MORF4L1: variants seen among roughly 807,000 people sequenced by gnomAD.
MORF4L1 encodes the protein mortality factor 4-like protein 1.
In MORF4L1, 4 loss-of-function variants were observed where a neutral mutation model predicts 52.9. The ratio of observed to expected loss-of-function variants is 0.08; its 90% CI spans 0.04 to 0.17. The LOEUF is 0.17. Among genes scored for constraint, MORF4L1 ranks in the 10% least tolerant of loss-of-function variants. The pLI is 1.00. For synonymous variants in MORF4L1, 123 were observed against 134.8 expected (o/e 0.91, Z 0.61); for missense variants, 214 against 390.4 (o/e 0.55, Z 3.81).
rs1461640131 is a variant in MORF4L1, at chr15:78,891,983, C to T, written c.439-229C>T. Among the ~76,000 whole-genome samples the T allele has an allele frequency of 2.0e-5, 3 of 152,150 alleles. No individual in the cohort carries two copies. In the East Asian group the frequency reaches 5.8e-4, roughly 29 times the overall value. ...GAGGAACCTTACTGAAGAATTTTTA[C>T]CTTTACAAGAAAATGCACTAAATAG... On this transcript the variant is annotated intron_variant, in intron 7 of 11. Transcript: ENST00000426013.
At position 78,897,241 on chromosome 15, in the gene MORF4L1, CTTTCT is replaced by C; in HGVS notation, c.*178_*182del. On this transcript the variant is annotated 3_prime_UTR_variant, in exon 12 of 12. Transcript: ENST00000426013. Reference sequence around the variant, plus strand: ...AGGGGGTAATAGCTCCTTTTTTCTTCTTTCTTTTTTTTTTTCATTTCAAAATTGCT... The same window carrying C: ...AGGGGGTAATAGCTCCTTTTTTCTTCTTTTTTTTTTCATTTCAAAATTGCT... 1 of 453,794 alleles carries C rather than the reference CTTTCT, an allele frequency of 2.2e-6. No homozygotes were observed. The highest frequency in any genetic ancestry group is 3.1e-5 in the South Asian group (1 of 31,838). The allele number at this position is 453,794 out of a possible 1,614,324, so 28.1% of individuals were successfully genotyped here.
chr15:78,895,593 G>T (rs2056873791), intron 11 of MORF4L1, among the ~76,000 whole-genome samples: 1 of 152,236 alleles, frequency 6.6e-6, no homozygotes, highest in Non-Finnish European at 1.5e-5. Flanking sequence ...TACTGATAAA[G>T]ATGTCCATGT....
chr15:78,880,289 A>G (rs960758142), intron 2 of MORF4L1, among the ~76,000 whole-genome samples: 1 of 152,222 alleles, frequency 6.6e-6, no homozygotes, highest in African/African-American at 2.4e-5. Context: ...TCCATTGATT[A>G]AAGATTTAAG....
chr15:78,876,833 AT>A (rs1374029374), intron 1 of MORF4L1, among the ~76,000 whole-genome samples: 1 of 152,240 alleles, frequency 6.6e-6, no homozygotes, highest in Non-Finnish European at 1.5e-5. Context: ...TAAAAGAATT[AT>A]AGAACTGATT....
At chr15:78,890,252 TAA>T (rs1417934938) in intron 5 of MORF4L1, among the ~76,000 whole-genome samples, 1 of 135,770 alleles carries the variant, frequency 7.4e-6, no homozygotes, top group Non-Finnish European at 1.5e-5. Context: ...TGACAGTATA[TAA>T]GTGACGTGAG....
At chr15:78,874,583 C>CTTTTTTT (rs56665378) in intron 1 of MORF4L1, among the ~76,000 whole-genome samples, 378 of 112,058 alleles carry the variant, frequency 3.4e-3, no homozygotes, top group Non-Finnish European at 3.9e-3. Context: ...CTTTTTCTTT[C>CTTTTTTT]TTTTTTTTTT....
chr15:78,879,757 G>C (rs1202676968), intron 2 of MORF4L1, among the ~76,000 whole-genome samples: 1 of 147,916 alleles, frequency 6.8e-6, no homozygotes, highest in Non-Finnish European at 1.5e-5. Context: ...GGGCAAGATA[G>C]CAAGACTGTC....
intron 2 of MORF4L1, among the ~76,000 whole-genome samples, chr15:78,879,225 G>T (rs1004222675): frequency 6.7e-6 from 1 of 149,984 alleles, no homozygotes; most frequent in African/African-American, 2.5e-5. Context: ...TATGCTCCCC[G>T]CCCCGCCCCG....
At chr15:78,874,939 C>T (rs77957002) in intron 1 of MORF4L1, among the ~76,000 whole-genome samples, 3,610 of 151,662 alleles carry the variant, frequency 0.024, 165 homozygotes, top group African/African-American at 0.083. Flanking sequence ...CCCCTAAACC[C>T]CGAAAAAAAC....
chr15:78,883,188 C>T (rs1304694056), intron 3 of MORF4L1, among the ~76,000 whole-genome samples: 4 of 147,014 alleles, frequency 2.7e-5, no homozygotes, highest in African/African-American at 1.0e-4. Flanking sequence ...GTATTCTAGC[C>T]TAGGCGACAG....
intron 5 of MORF4L1, among the ~76,000 whole-genome samples, chr15:78,887,780 A>G (rs1017149999): frequency 6.6e-6 from 1 of 151,976 alleles, no homozygotes; most frequent in African/African-American, 2.4e-5. Context: ...CCCTAAGAAA[A>G]CCATTGCTTT....
At chr15:78,874,758 C>G (rs1017882771) in intron 1 of MORF4L1, among the ~76,000 whole-genome samples, 1 of 150,982 alleles carries the variant, frequency 6.6e-6, no homozygotes, top group Admixed American at 6.6e-5. Context: ...CCTCTCTCAC[C>G]TTGAGAAGCT....
At chr15:78,883,832 G>A (rs187393620) in intron 3 of MORF4L1, among the ~76,000 whole-genome samples, 3 of 152,246 alleles carry the variant, frequency 2.0e-5, no homozygotes, top group Admixed American at 2.0e-4. Context: ...GATACCTAGT[G>A]TGTTGTGTAT....
At chr15:78,893,422 T>C in intron 8 of MORF4L1, 117 bp from the exon 9 acceptor site, 1 of 697,318 alleles carries the variant, frequency 1.4e-6, no homozygotes. Flanking sequence ...CTGAATAGTA[T>C]CTTTCCTAAT....
chr15:78,881,513 GTA>G (rs1596242513), intron 3 of MORF4L1, among the ~76,000 whole-genome samples: 1 of 133,184 alleles, frequency 7.5e-6, no homozygotes, highest in African/African-American at 2.8e-5. Flanking sequence ...GTGTGTGTGT[GTA>G]TGTAAAGTAC....
Position 78,897,278 on chromosome 15 carries a change from G to A in MORF4L1, c.*211G>A. 1 of 436,060 alleles carries A rather than the reference G, an allele frequency of 2.3e-6. No homozygotes were observed. The highest frequency in any genetic ancestry group is 4.4e-6 in the Non-Finnish European group (1 of 229,804). The allele number at this position is 436,060 out of a possible 1,614,324, so 27.0% of individuals were successfully genotyped here. A position where few individuals can be genotyped will look rare whatever the true frequency, so the allele number is the denominator to read the frequency against. On this transcript the variant is annotated 3_prime_UTR_variant, in exon 12 of 12. Coordinates refer to ENST00000426013, the MANE Select transcript of MORF4L1 (RefSeq NM_006791.4). Reference sequence around the variant, plus strand: ...TTTTCATTTCAAAATTGCTGCCAGTGTTTTCAATGATGGACAACAGAGGGA... The same window carrying A: ...TTTTCATTTCAAAATTGCTGCCAGTATTTTCAATGATGGACAACAGAGGGA...
At position 78,890,798 on chromosome 15, in the gene MORF4L1, A is replaced by G. The variant is rs562164369; in HGVS notation, c.324-191A>G. ...CGCCTGGCTTGGTTTATTTTTTTCT[A>G]TTATGTGGAGAGAGATGGGAATTTA... is the stretch of plus-strand genomic sequence containing the variant. On this transcript the variant is annotated intron_variant, in intron 5 of 11. Coordinates refer to ENST00000426013, the MANE Select transcript of MORF4L1 (RefSeq NM_006791.4). 3.1e-5 allele frequency: 14 copies of G among 451,090 alleles called. No homozygotes were observed. The South Asian group carries it at 3.2e-4, about 10-fold the overall frequency. The allele number at this position is 451,090 out of a possible 1,614,324, so 27.9% of individuals were successfully genotyped here. A position where few individuals can be genotyped will look rare whatever the true frequency, so the allele number is the denominator to read the frequency against.
chr15:78,879,349 G>A (rs1021071996), intron 2 of MORF4L1, among the ~76,000 whole-genome samples: 4 of 152,036 alleles, frequency 2.6e-5, no homozygotes, highest in African/African-American at 4.8e-5. Context: ...AGCCTCCCGA[G>A]TAGCTGGGAT....
At chr15:78,887,244 G>T in intron 4 of MORF4L1, 25 bp from the exon 5 acceptor site, 1 of 1,578,890 alleles carries the variant, frequency 6.3e-7, no homozygotes, top group South Asian at 1.2e-5. Context: ...ATTTTATGTT[G>T]ACATTACTGA....
Sources: allele counts gnomAD v4.1 joint callset (sites outside exome capture counted in the v4.1 genomes callset), GRCh38; gene constraint gnomAD v4.1.1; transcripts MANE v1.5; gene names NCBI Gene and HGNC (gene_info 2026-07-23, HGNC 2026-07-21).